Variants in HIVEP3 observed in about 807,000 individuals in gnomAD.
HIVEP3 encodes the protein HIVEP zinc finger 3.
A neutral mutation model predicts 152.8 loss-of-function variants in HIVEP3; 49 were observed. The observed-to-expected ratio is 0.32, with a 90% CI of 0.26 to 0.41. HIVEP3 has a LOEUF of 0.41. HIVEP3 is among the 10% of genes least tolerant of loss of function. HIVEP3 has a pLI of 1.00. For missense variants in HIVEP3, 2,790 were observed against 3,103.3 expected (o/e 0.90, Z 2.40); for synonymous variants, 1,269 against 1,289.0 (o/e 0.98, Z 0.33).
At chr1:42,006,758 G>A (rs148720912) in intron 1 of HIVEP3, among the ~76,000 whole-genome samples, 21 of 152,114 alleles carry the variant, frequency 1.4e-4, no homozygotes, top group African/African-American at 4.6e-4. Context: ...AATGGAAAAG[G>A]CAAATTGCAT....
intron 1 of HIVEP3, among the ~76,000 whole-genome samples, chr1:41,849,719 C>A (rs1356270213): frequency 1.4e-5 from 2 of 145,860 alleles, no homozygotes; most frequent in Admixed American, 1.4e-4. Flanking sequence ...TTTTCCAAGT[C>A]TTGCCCTGTC....
At chr1:41,527,348 C>G (rs1378422244) in intron 5 of HIVEP3, among the ~76,000 whole-genome samples, 1 of 145,746 alleles carries the variant, frequency 6.9e-6, no homozygotes, top group Non-Finnish European at 1.5e-5. Flanking sequence ...CACCTTCACA[C>G]TCACCTTCAC....
chr1:42,019,167 G>T (rs1344356878), intron 1 of HIVEP3, among the ~76,000 whole-genome samples: 3 of 151,838 alleles, frequency 2.0e-5, no homozygotes, highest in African/African-American at 7.2e-5. Flanking sequence ...TAAATATTTG[G>T]TGCCATAAGT....
At chr1:41,998,887 C>CTTTTTTTTTTTTTTTTT (rs1184823372) in intron 1 of HIVEP3, among the ~76,000 whole-genome samples, 3 of 77,312 alleles carry the variant, frequency 3.9e-5, no homozygotes, top group Non-Finnish European at 6.8e-5. Flanking sequence ...TTTTCTCTCT[C>CTTTTTTTTTTTTTTTTT]TCTTTTTTTT....
Position 41,511,960 on chromosome 1 carries a change from G to T in HIVEP3, c.6406-694C>A, listed in dbSNP as rs1267842235. ...TGCTGGCCATGGGGATAGTGCTGAT[G>T]GTTGACAAGGATGATATTGGTTGTG... On this transcript the variant is annotated intron_variant, in intron 8 of 8. Coordinates refer to ENST00000372583, the MANE Select transcript of HIVEP3 (RefSeq NM_024503.5). This position sits in a 1 kb window ranked among gnomAD's most constrained non-coding sequence, Gnocchi z 4.9. 6.6e-6 allele frequency among the ~76,000 whole-genome samples: 1 copy of T among 152,112 alleles called. No individual in the cohort carries two copies.
At chr1:42,004,915 T>C (rs1645449760) in intron 1 of HIVEP3, among the ~76,000 whole-genome samples, 1 of 152,236 alleles carries the variant, frequency 6.6e-6, no homozygotes, top group Non-Finnish European at 1.5e-5. Flanking sequence ...AACAGATGTG[T>C]TTCAAATATT....
chr1:41,682,713 C>G (rs1646059010), intron 2 of HIVEP3, among the ~76,000 whole-genome samples: 1 of 152,120 alleles, frequency 6.6e-6, no homozygotes, highest in South Asian at 2.1e-4. Flanking sequence ...CCTTAGGCCT[C>G]TCCACCCTCC....
chr1:41,868,210 TGGTC>T (rs775645316), intron 1 of HIVEP3, among the ~76,000 whole-genome samples: 10 of 150,272 alleles, frequency 6.7e-5, no homozygotes, highest in Non-Finnish European at 8.9e-5. Context: ...TTTTTTTTTT[TGGTC>T]TTGTTTTTCT....
At chr1:41,853,252 A>T (rs1007458508) in intron 1 of HIVEP3, among the ~76,000 whole-genome samples, 3 of 152,118 alleles carry the variant, frequency 2.0e-5, no homozygotes, top group Non-Finnish European at 4.4e-5. Flanking sequence ...AGTTTCAGGG[A>T]GGTTCTATTA....
intron 1 of HIVEP3, among the ~76,000 whole-genome samples, chr1:41,707,091 G>T (rs1227466188): frequency 1.3e-5 from 2 of 152,200 alleles, no homozygotes; most frequent in Non-Finnish European, 2.9e-5. Context: ...AGGGTACTCT[G>T]GTGGAAGCTG....
intron 1 of HIVEP3, among the ~76,000 whole-genome samples, chr1:41,988,871 G>C (rs1309920364): frequency 6.6e-6 from 1 of 152,158 alleles, no homozygotes; most frequent in African/African-American, 2.4e-5. Flanking sequence ...TGGATGAATG[G>C]AATATTATTT....
At chr1:41,548,366 G>A (rs1643855231) in intron 5 of HIVEP3, among the ~76,000 whole-genome samples, 1 of 152,172 alleles carries the variant, frequency 6.6e-6, no homozygotes, top group African/African-American at 2.4e-5. Context: ...TTGGCTCCCA[G>A]CCACTCCTGC....
At chr1:41,578,549 C>T (rs1176176284) in intron 4 of HIVEP3, among the ~76,000 whole-genome samples, 2 of 152,232 alleles carry the variant, frequency 1.3e-5, no homozygotes, top group African/African-American at 4.8e-5. Context: ...GTTGTGCTCA[C>T]TTATCTACAA....
chr1:41,889,333 G>A (rs908652608), intron 1 of HIVEP3, among the ~76,000 whole-genome samples: 3 of 152,136 alleles, frequency 2.0e-5, no homozygotes, highest in Non-Finnish European at 4.4e-5. Flanking sequence ...GCAGCTTTAC[G>A]TGGCTGGAAT....
intron 1 of HIVEP3, among the ~76,000 whole-genome samples, chr1:41,703,992 C>T (rs1316833152): frequency 6.6e-6 from 1 of 152,234 alleles, no homozygotes; most frequent in Non-Finnish European, 1.5e-5. Context: ...AGTCCTCACT[C>T]TTGTTCTGTC....
chr1:41,929,672 A>G (rs911905530), intron 1 of HIVEP3, among the ~76,000 whole-genome samples: 2 of 149,298 alleles, frequency 1.3e-5, no homozygotes, highest in Non-Finnish European at 3.0e-5. Flanking sequence ...ATGAATACAC[A>G]CCTATATTTC....
chr1:41,526,720 C>CA (rs1642948344), intron 5 of HIVEP3, among the ~76,000 whole-genome samples: 1 of 128,462 alleles, frequency 7.8e-6, no homozygotes, highest in Non-Finnish European at 1.7e-5. Context: ...CTCACACACA[C>CA]CCTCACACAC....
chr1:41,552,837 A>C (rs905820225), intron 5 of HIVEP3, among the ~76,000 whole-genome samples: 3 of 152,184 alleles, frequency 2.0e-5, no homozygotes, highest in Non-Finnish European at 4.4e-5. Flanking sequence ...CTGAGTTCTA[A>C]TTTGATTGCA....
chr1:41,986,633 G>C (rs1645325156), intron 1 of HIVEP3, among the ~76,000 whole-genome samples: 1 of 151,980 alleles, frequency 6.6e-6, no homozygotes, highest in African/African-American at 2.4e-5. Flanking sequence ...GTAGAGACAG[G>C]GTTTCACCGT....
Sources: gnomAD v4.1 joint callset for allele counts (sites outside exome capture counted in the v4.1 genomes callset) on GRCh38, gnomAD v4.1.1 for gene constraint, Gnocchi (gnomAD v3.1) non-coding constraint, MANE v1.5 for transcripts, NCBI Gene and HGNC (gene_info 2026-07-23, HGNC 2026-07-21) for gene names.